The following CACTIN variants were observed in gnomAD, a reference collection of about 807,000 sequenced individuals.
CACTIN encodes cactin, spliceosome C complex subunit, also known as splicing factor Cactin.
Under a neutral mutation model 84.9 loss-of-function variants are expected in CACTIN, and 20 were observed. The observed-to-expected ratio is 0.24, with a 90% confidence interval of 0.17 to 0.34. CACTIN has a LOEUF of 0.34. Ranked by LOEUF, CACTIN falls within the 10% of genes least tolerant of loss-of-function variation. CACTIN has a pLI of 1.00. For missense variants in CACTIN, 897 were observed against 1,117.2 expected (o/e 0.80, Z 2.81); for synonymous variants, 549 against 467.9 (o/e 1.17, Z -2.24).
At chr19:3,613,944 T>C in intron 7 of CACTIN, 1 of 421,242 alleles carries the variant, frequency 2.4e-6, no homozygotes, top group Non-Finnish European at 4.3e-6. Context: ...AGAGGAGACA[T>C]GTATTTACAC....
At chr19:3,626,532 C>T (rs897762323) in intron 1 of CACTIN, 64 bp downstream of exon 1, 5 of 1,298,002 alleles carry the variant, frequency 3.9e-6, no homozygotes, top group African/African-American at 1.5e-5. Context: ...GGATCTCCAA[C>T]CCTCGGTCGG....
chr19:3,618,121 C>G (rs1363650998), intron 6 of CACTIN, among the ~76,000 whole-genome samples: 7 of 127,582 alleles, frequency 5.5e-5, no homozygotes, highest in Admixed American at 3.4e-4. Flanking sequence ...ACAGCAGCCG[C>G]TGGGGCGTGG....
chr19:3,620,180 G>A lies in CACTIN; in HGVS notation c.831C>T (p.Phe277=), dbSNP rs747718497. The A allele has an allele frequency of 1.9e-6, 3 of 1,611,722 alleles. No individual in the cohort carries two copies. The highest frequency in any genetic ancestry group is 4.5e-5 in the East Asian group (2 of 44,874). The part of the protein sequence containing the change: ...MLQREKEAEH[F]KTWEEQEDNF... ...TGTCCTCCTGCTCCTCCCATGTCTT[G>A]AAGTGCTCTGCCTCCTTCTCGCGCT... Residue 277 remains phenylalanine, a synonymous_variant, in exon 4 of 10, where the codon TTC becomes TTT. Coordinates refer to ENST00000429344, the MANE Select transcript of CACTIN (RefSeq NM_001080543.2).
intron 6 of CACTIN, among the ~76,000 whole-genome samples, chr19:3,618,470 C>A (rs552962360): frequency 6.6e-6 from 1 of 152,246 alleles, no homozygotes; most frequent in Non-Finnish European, 1.5e-5. Context: ...TGGAGGGGCA[C>A]GAACTGACGC....
chr19:3,611,370 C>CGG lies in CACTIN; in HGVS notation c.*551_*552dup, dbSNP rs759246296. On this transcript the variant is annotated 3_prime_UTR_variant, in exon 10 of 10. Transcript: ENST00000429344. ...GGTCCCGGCCTCAGTGCTGCCTGTGCGGGCGAGGGTGGCCTGTGGGCAGGG... is the reference window on the plus strand; with the variant it reads ...GGTCCCGGCCTCAGTGCTGCCTGTGCGGGGGCGAGGGTGGCCTGTGGGCAGGG... 2.2e-6 allele frequency: 1 copy of CGG among 447,226 alleles called. No homozygotes were observed. Among genetic ancestry groups the CGG allele is most frequent in the South Asian group, 1.6e-5 (1 of 63,456 alleles). 27.7% of individuals were successfully genotyped at this position (447,226 alleles called of 1,614,324 possible). A position where few individuals can be genotyped will look rare whatever the true frequency, so the allele number is the denominator to read the frequency against.
chr19:3,614,677 G>C, intron 6 of CACTIN, 88 bp from the exon 7 acceptor site: 2 of 1,072,414 alleles, frequency 1.9e-6, no homozygotes, highest in Non-Finnish European at 2.8e-6. Flanking sequence ...TGCCATGGGG[G>C]GGTCCCCCTC....
In CACTIN at chr19:3,619,158, G is replaced by A. The variant is rs369138197; in HGVS notation, c.969C>T (p.Ala323=). 110 of 1,611,082 alleles carry A rather than the reference G, an allele frequency of 6.8e-5. No individual in the cohort carries two copies. Among genetic ancestry groups the A allele is most frequent in the Middle Eastern group, 1.6e-4 (1 of 6,080 alleles). ...ACGTGTAGGGCTCATGCATCTCCACGGCCAGATCGTCATCCTCAGCGCTGA... is the reference window on the plus strand; with the variant it reads ...ACGTGTAGGGCTCATGCATCTCCACAGCCAGATCGTCATCCTCAGCGCTGA... ...KYISAEDDDL[A]VEMHEPYTFL... Residue 323 remains alanine (A), a synonymous_variant, in exon 5 of 10, where the codon GCC becomes GCT. Transcript: ENST00000429344.
At chr19:3,620,482 G>T in intron 3 of CACTIN, 1 of 713,402 alleles carries the variant, frequency 1.4e-6, no homozygotes, top group Non-Finnish European at 2.4e-6. Context: ...GGGCCCTCTC[G>T]GCCACCCTGA....
rs1235401230 is a variant in CACTIN, at chr19:3,613,266, G to C, written c.1578C>G (p.Asp526Glu). ...EVDGATPTEG[D>E]GDGDGEGEGE... ...CCTCGCCCTCACCGTCCCCGTCGCC[G>C]TCGCCCTCTGTCGGGGTCGCGCCGT... The change falls in exon 9 of 10, where the codon GAC (aspartate) becomes GAG (glutamate). Residue 526 changes from aspartate (D) to glutamate (E), a missense_variant. Physicochemically the swap from Asp to Glu is conservative, Grantham distance 45. This residue lies in a region of CACTIN where 243 missense variants were observed against 239.9 expected (regional missense o/e 1.01). Transcript: ENST00000429344. The C allele has an allele frequency of 6.2e-7, 1 of 1,607,854 alleles. No individual in the cohort carries two copies. The highest frequency in any genetic ancestry group is 1.3e-5 in the African/African-American group (1 of 74,884).
rs1440402434 is a variant in CACTIN at position 3,614,519 on chromosome 19, G to A, written c.1233C>T (p.Tyr411=). Residue 411 remains tyrosine (Y), a synonymous_variant, in exon 7 of 10, where the codon TAC becomes TAT. Transcript: ENST00000429344. ...DVQSVFKGKT[Y]NQLQVIFQGI... ...CCTGGAAGATGACCTGCAGCTGGTTGTATGTCTTCCCCTTGAACACCGACT... is the reference window on the plus strand; with the variant it reads ...CCTGGAAGATGACCTGCAGCTGGTTATATGTCTTCCCCTTGAACACCGACT... The A allele has an allele frequency of 3.1e-6, 5 of 1,608,576 alleles. No individual in the cohort carries two copies. The East Asian group carries it at 6.7e-5, about 22-fold the overall frequency.
At position 3,623,920 on chromosome 19, in the gene CACTIN, T is replaced by G; in HGVS notation, c.410A>C (p.Gln137Pro). The change falls in exon 2 of 10, where the codon CAG becomes CCG. Residue 137 changes from glutamine to proline, a missense_variant. Transcript: ENST00000429344. Reference sequence around the variant, plus strand: ...CCGCAGCCGCTCCTGCAGGCTCTGCTGCTGGCTCAGGGCAGCCGCGGCCGC... The same window carrying G: ...CCGCAGCCGCTCCTGCAGGCTCTGCGGCTGGCTCAGGGCAGCCGCGGCCGC... ...PRAAAAALSQ[Q>P]QSLQERLRLR... The G allele has an allele frequency of 6.2e-7, 1 of 1,606,130 alleles. No homozygotes were observed. The highest frequency in any genetic ancestry group is 1.1e-5 in the South Asian group (1 of 91,032).
intron 9 of CACTIN, chr19:3,612,705 G>A: frequency 1.4e-6 from 1 of 700,074 alleles, no homozygotes; most frequent in Non-Finnish European, 2.6e-6. Flanking sequence ...CCTGGCTGCG[G>A]GATCCAGCCC....
At chr19:3,612,525 G>A in intron 9 of CACTIN, 112 bp from the exon 10 acceptor site, 1 of 1,411,722 alleles carries the variant, frequency 7.1e-7, no homozygotes, top group Non-Finnish European at 9.3e-7. Flanking sequence ...AGGAAAACAG[G>A]CTGGGGCGAG....
intron 6 of CACTIN, 104 bp downstream of exon 6, chr19:3,618,771 G>A (rs939417065): frequency 1.8e-5 from 17 of 928,780 alleles, no homozygotes; most frequent in African/African-American, 8.3e-5. Flanking sequence ...TGGGGAAACC[G>A]AGGCCTGCAG....
chr19:3,614,878 T>G, intron 6 of CACTIN: 8 of 484,552 alleles, frequency 1.7e-5, no homozygotes, highest in East Asian at 3.9e-5. Flanking sequence ...GCCCTGAGAA[T>G]GCCCCTCCCC....
intron 2 of CACTIN, among the ~76,000 whole-genome samples, chr19:3,623,220 G>T (rs974432875): frequency 6.6e-6 from 1 of 152,118 alleles, no homozygotes. Flanking sequence ...GGGTGACAGA[G>T]CGAGACCCTG....
Position 3,614,610 on chromosome 19 carries a change from G to A in CACTIN, c.1163-21C>T, listed in dbSNP as rs567144457. ...CTCACCTGCAGCGGGGTGGGGGCATGGGGGGGCGGTTCCACATTTCCTACG... is the reference window on the plus strand; with the variant it reads ...CTCACCTGCAGCGGGGTGGGGGCATAGGGGGGCGGTTCCACATTTCCTACG... On this transcript the variant is annotated intron_variant, in intron 6 of 9. Transcript: ENST00000429344. 6 of 1,573,518 alleles carry A rather than the reference G, an allele frequency of 3.8e-6. No homozygotes were observed. In the East Asian group the frequency reaches 7.0e-5, roughly 18 times the overall value.
Position 3,611,495 on chromosome 19 carries a change from C to T in CACTIN, c.*428G>A. On this transcript the variant is annotated 3_prime_UTR_variant, in exon 10 of 10. Transcript: ENST00000429344. Reference sequence around the variant, plus strand: ...AGTTTCCTGCTTCTCACGAGCCTGGCACCGCCAAGCCCAGGCCCCTCTGGC... The same window carrying T: ...AGTTTCCTGCTTCTCACGAGCCTGGTACCGCCAAGCCCAGGCCCCTCTGGC... 1 of 371,220 alleles carries T rather than the reference C, an allele frequency of 2.7e-6. No individual in the cohort carries two copies. The highest frequency in any genetic ancestry group is 5.2e-6 in the Non-Finnish European group (1 of 191,816). 23.0% of individuals were successfully genotyped at this position (371,220 alleles called of 1,614,324 possible).
In CACTIN at chr19:3,626,604, C is replaced by T; in HGVS notation, c.159G>A (p.Arg53=). The stretch of plus-strand genomic sequence containing the variant: ...TCCCGCAGCGACCCCACCTGCGCTC[C>T]CGGCTCCGCCGCCTCCGTCTGCGCC... ...EGRRRRRRRS[R]ERRSDSEEER... Residue 53 remains arginine, a synonymous_variant, in exon 1 of 10, where the codon CGG becomes CGA. Transcript: ENST00000429344. 1 of 1,483,932 alleles carries T rather than the reference C, an allele frequency of 6.7e-7. No homozygotes were observed. The highest frequency in any genetic ancestry group is 8.9e-7 in the Non-Finnish European group (1 of 1,121,312). The allele number at this position is 1,483,932 out of a possible 1,614,324, so 91.9% of individuals were successfully genotyped here.
Sources: allele counts gnomAD v4.1 joint callset (sites outside exome capture counted in the v4.1 genomes callset), GRCh38; gene constraint gnomAD v4.1.1; regional missense constraint gnomAD v4.1.1; transcripts MANE v1.5; gene names NCBI Gene and HGNC (gene_info 2026-07-23, HGNC 2026-07-21).